The following NELL1 variants were observed in gnomAD, a reference collection of about 807,000 sequenced individuals.
NELL1 encodes the protein protein kinase C-binding protein NELL1.
In NELL1, 76 loss-of-function variants were observed where a neutral mutation model predicts 107.4. The observed-to-expected ratio is 0.71, with a 90% CI of 0.59 to 0.86. The LOEUF is 0.86. NELL1 is among the 40% of genes least tolerant of loss of function. NELL1 has a pLI of 0.00. For synonymous variants in NELL1, 353 were observed against 341.2 expected, an observed-to-expected ratio of 1.03 and a Z score of -0.38; for missense variants, 1,024 against 1,005.5, an observed-to-expected ratio of 1.02 and a Z score of -0.25.
chr11:20,861,397 T>C (rs1590356930), intron 4 of NELL1, among the ~76,000 whole-genome samples: 1 of 152,200 alleles, frequency 6.6e-6, no homozygotes, highest in African/African-American at 2.4e-5. Flanking sequence ...TCTTGCAGGG[T>C]AGCCTGGGAC....
intron 2 of NELL1, among the ~76,000 whole-genome samples, chr11:20,776,401 G>A (rs1315139881): frequency 1.3e-5 from 2 of 151,940 alleles, no homozygotes; most frequent in South Asian, 2.1e-4. Context: ...ATCACACCAC[G>A]ATCCAGCCTG....
At position 21,272,185 on chromosome 11, in the gene NELL1, A is replaced by T. The variant is rs532758297; in HGVS notation, c.1549+42731A>T. 2.0e-5 allele frequency among the ~76,000 whole-genome samples: 3 copies of T among 152,336 alleles called. No homozygotes were observed. The South Asian group carries it at 6.2e-4, about 32-fold the overall frequency. On this transcript the variant is annotated intron_variant, in intron 14 of 19. Transcript: ENST00000357134. ...AAGGGGTGACAGACAGCACCTGGAAAATCAGGTCACTCCCACCCTAATACT... is the reference window on the plus strand; with the variant it reads ...AAGGGGTGACAGACAGCACCTGGAATATCAGGTCACTCCCACCCTAATACT...
chr11:21,050,453 G>T (rs1334069682), intron 12 of NELL1, among the ~76,000 whole-genome samples: 3 of 151,702 alleles, frequency 2.0e-5, no homozygotes, highest in Non-Finnish European at 4.4e-5. Flanking sequence ...TTAATAAGGT[G>T]TCATATGAAT....
chr11:21,275,209 A>G (rs1033753740), intron 14 of NELL1, among the ~76,000 whole-genome samples: 9 of 152,204 alleles, frequency 5.9e-5, no homozygotes, highest in African/African-American at 2.2e-4. Context: ...AAAAAATGAT[A>G]AAGGGGATAT....
chr11:21,090,368 G>C (rs1016047257), intron 12 of NELL1, among the ~76,000 whole-genome samples: 2 of 152,086 alleles, frequency 1.3e-5, no homozygotes, highest in African/African-American at 4.8e-5. Context: ...ATAGAAAAAG[G>C]CATTGGGGTT....
At chr11:20,689,128 G>C (rs1854384725) in intron 2 of NELL1, among the ~76,000 whole-genome samples, 1 of 151,812 alleles carries the variant, frequency 6.6e-6, no homozygotes, top group Admixed American at 6.6e-5. Flanking sequence ...TTGTTATTTG[G>C]TTTTTGCTTG....
intron 14 of NELL1, among the ~76,000 whole-genome samples, chr11:21,272,638 C>T (rs1848764765): frequency 6.6e-6 from 1 of 152,240 alleles, no homozygotes. Context: ...AGTAGCCTAA[C>T]TGGGAGGCAC....
At chr11:21,512,938 G>A (rs1376561046) in intron 15 of NELL1, among the ~76,000 whole-genome samples, 1 of 152,128 alleles carries the variant, frequency 6.6e-6, no homozygotes, top group Non-Finnish European at 1.5e-5. Context: ...GCAGATATTT[G>A]ATGGGTTAAA....
chr11:20,834,588 A>G (rs1161965139), intron 3 of NELL1, among the ~76,000 whole-genome samples: 2 of 152,070 alleles, frequency 1.3e-5, no homozygotes, highest in East Asian at 3.9e-4. Flanking sequence ...CTGTAGTCCC[A>G]GCTACTAGGG....
At chr11:21,548,867 T>G (rs1255692518) in intron 16 of NELL1, among the ~76,000 whole-genome samples, 7 of 150,910 alleles carry the variant, frequency 4.6e-5, no homozygotes, top group Non-Finnish European at 8.9e-5. Context: ...TTACTCTTTC[T>G]ATACCTCTTA....
intron 4 of NELL1, among the ~76,000 whole-genome samples, chr11:20,866,416 A>G (rs1004830394): frequency 1.3e-5 from 2 of 152,238 alleles, no homozygotes; most frequent in African/African-American, 4.8e-5. Context: ...TAGGGATGAC[A>G]TTAGACTCTG....
At chr11:21,151,341 T>G (rs535129749) in intron 13 of NELL1, among the ~76,000 whole-genome samples, 7 of 152,186 alleles carry the variant, frequency 4.6e-5, no homozygotes, top group Non-Finnish European at 5.9e-5. Flanking sequence ...TTACCCTTCA[T>G]AAAGCAGCAT....
At chr11:21,073,358 A>G (rs1854060560) in intron 12 of NELL1, among the ~76,000 whole-genome samples, 1 of 152,182 alleles carries the variant, frequency 6.6e-6, no homozygotes, top group Non-Finnish European at 1.5e-5. Context: ...AAGGAAAAAT[A>G]CAGGTATACA....
chr11:21,560,458 T>C (rs1361932772), intron 17 of NELL1, 76 bp downstream of exon 17: 62 of 1,290,616 alleles, frequency 4.8e-5, no homozygotes, highest in Non-Finnish European at 6.5e-5. Flanking sequence ...TCCCCAGCTC[T>C]CTCCCTCTTG....
chr11:21,267,718 T>C (rs1168625335), intron 14 of NELL1, among the ~76,000 whole-genome samples: 1 of 152,138 alleles, frequency 6.6e-6, no homozygotes, highest in Non-Finnish European at 1.5e-5. Context: ...TATTTAACTC[T>C]TGTCCATATG....
intron 4 of NELL1, among the ~76,000 whole-genome samples, chr11:20,878,587 T>C (rs1338596474): frequency 6.6e-6 from 1 of 152,142 alleles, no homozygotes; most frequent in Non-Finnish European, 1.5e-5. Context: ...AAGGTATTGA[T>C]GGTGGAGGAG....
At chr11:21,067,215 T>A (rs921904676) in intron 12 of NELL1, among the ~76,000 whole-genome samples, 9 of 152,176 alleles carry the variant, frequency 5.9e-5, no homozygotes, top group Non-Finnish European at 1.2e-4. Flanking sequence ...GAATTTGTGG[T>A]GAAGTTGTAA....
At chr11:21,240,766 T>TG (rs150046714) in intron 14 of NELL1, among the ~76,000 whole-genome samples, 1,104 of 62,150 alleles carry the variant, frequency 0.018, 12 homozygotes, top group African/African-American at 0.045. Flanking sequence ...GCCTTTCTAG[T>TG]GGGGGGGGGG....
At chr11:21,090,557 G>A (rs1164808359) in intron 12 of NELL1, among the ~76,000 whole-genome samples, 1 of 152,158 alleles carries the variant, frequency 6.6e-6, no homozygotes, top group Non-Finnish European at 1.5e-5. Flanking sequence ...GTGTGACGTT[G>A]AGCTCATGGA....
Sources: allele counts gnomAD v4.1 joint callset (sites outside exome capture counted in the v4.1 genomes callset), GRCh38; gene constraint gnomAD v4.1.1; transcripts MANE v1.5; gene names NCBI Gene and HGNC (gene_info 2026-07-23, HGNC 2026-07-21).